The following BTK variants were observed in gnomAD, a reference collection of about 807,000 sequenced individuals.
BTK encodes the protein Bruton tyrosine kinase.
Under a neutral mutation model 57.4 loss-of-function variants are expected in BTK, and 5 were observed. The observed-to-expected ratio is 0.09, with a 90% CI of 0.05 to 0.18. The LOEUF (loss-of-function observed/expected upper bound fraction) is 0.18, where lower values mean the gene tolerates loss of function less well. BTK is among the 10% of genes least tolerant of loss of function. The pLI is 1.00. For missense variants in BTK, 194 were observed against 501.2 expected (o/e 0.39, Z 5.85); for synonymous variants, 154 against 174.3 (o/e 0.88, Z 0.92).
chrX:101,373,059 G>A (rs1927086779), intron 3 of BTK, among the ~76,000 whole-genome samples: 1 of 108,890 alleles, frequency 9.2e-6, no homozygotes, highest in Admixed American at 9.8e-5. Flanking sequence ...TCCAGCCTGG[G>A]CGACACAGCG....
Position 101,349,464 on chromosome X carries a change from G to T in BTK, c.*421C>A. 1 of 184,975 alleles carries T rather than the reference G, an allele frequency of 5.4e-6. No individual in the cohort carries two copies. Among genetic ancestry groups the T allele is most frequent in the Non-Finnish European group, 1.0e-5 (1 of 97,324 alleles). The allele number at this position is 184,975 out of a possible 1,213,427, so 15.2% of individuals were successfully genotyped here. A position where few individuals can be genotyped will look rare whatever the true frequency, so the allele number is the denominator to read the frequency against. ...ATACCAAAGACTTTCAAGCTTTCTA[G>T]TAATTTTATTTTATCAAAACACCCT... On this transcript the variant is annotated 3_prime_UTR_variant, in exon 19 of 19. Transcript: ENST00000308731.
At chrX:101,390,132 A>T (rs1385606266), upstream of BTK, among the ~76,000 whole-genome samples, 6 of 111,981 alleles carry the variant, frequency 5.4e-5, no homozygotes, top group Non-Finnish European at 1.1e-4. Flanking sequence ...GTAAAATGAG[A>T]ATAATAGTAC....
At chrX:101,367,785 G>GA (rs1555979708) in intron 5 of BTK, among the ~76,000 whole-genome samples, 2 of 111,468 alleles carry the variant, frequency 1.8e-5, no homozygotes, top group African/African-American at 6.5e-5. Flanking sequence ...TTCTCCTTCA[G>GA]CTAGTCTGCC....
chrX:101,381,563 A>G (rs1555981744), intron 1 of BTK, among the ~76,000 whole-genome samples: 1 of 111,801 alleles, frequency 8.9e-6, no homozygotes, highest in African/African-American at 3.3e-5. Context: ...AAGAACTGAA[A>G]TACTATCTAT....
chrX:101,374,401 G>A (rs1190585781), intron 3 of BTK, 135 bp downstream of exon 3: 1 of 556,521 alleles, frequency 1.8e-6, no homozygotes, highest in African/African-American at 2.2e-5. Context: ...CAATATGGTA[G>A]AGTGAAGAAT....
At chrX:101,370,159 G>T (rs782666724) in intron 4 of BTK, 80 bp from the exon 5 acceptor site, 7 of 776,998 alleles carry the variant, frequency 9.0e-6, no homozygotes, top group East Asian at 6.3e-5. Context: ...AATCTTAGGG[G>T]ACAATTTGTA....
At chrX:101,364,418 AAAAAAAGAAAAG>A (rs1334871579) in intron 5 of BTK, among the ~76,000 whole-genome samples, 1 of 105,505 alleles carries the variant, frequency 9.5e-6, no homozygotes, top group African/African-American at 3.5e-5. Context: ...TCAAAAAAAA[AAAAAAAGAAAAG>A]AAAAAAGAAA....
At chrX:101,378,393 C>A (rs1248642248) in intron 1 of BTK, among the ~76,000 whole-genome samples, 1 of 110,614 alleles carries the variant, frequency 9.0e-6, no homozygotes, top group East Asian at 2.8e-4. Context: ...CAGTAAAGGC[C>A]CCAATTTTTT....
At chrX:101,367,932 G>A (rs1392245655) in intron 5 of BTK, among the ~76,000 whole-genome samples, 1 of 111,536 alleles carries the variant, frequency 9.0e-6, no homozygotes, top group Non-Finnish European at 1.9e-5. Flanking sequence ...CGCTGTATGA[G>A]GCATTGTGGA....
intron 18 of BTK, 73 bp downstream of exon 18, chrX:101,353,121 G>T: frequency 1.0e-6 from 1 of 993,434 alleles, no homozygotes; most frequent in Non-Finnish European, 1.4e-6. Flanking sequence ...TCAGTCTTTG[G>T]TGGCTGAATG....
chrX:101,360,735 C>T lies in BTK; in HGVS notation c.609G>A (p.Pro203=), dbSNP rs781964043. The change falls in exon 8 of 19, where the codon CCG becomes CCA. Residue 203 remains proline, a synonymous_variant. Transcript: ENST00000308731. ...EEDQILKKPL[P]PEPAAAPVST... ...AGACTGGTGCTGCTGCTGGCTCAGGCGGTAGTGGCTTTTTCAAGATCTATG... is the reference window on the plus strand; with the variant it reads ...AGACTGGTGCTGCTGCTGGCTCAGGTGGTAGTGGCTTTTTCAAGATCTATG... 1.2e-5 allele frequency: 14 copies of T among 1,208,977 alleles called. No individual in the cohort carries two copies. The highest frequency in any genetic ancestry group is 5.3e-5 in the South Asian group (3 of 56,781).
Position 101,360,033 on chromosome X carries a change from T to G in BTK, c.839+55A>C, listed in dbSNP as rs187846688. On this transcript the variant is annotated intron_variant, in intron 9 of 18. Transcript: ENST00000308731. ...ATATAAATAAATAAATATATATATATATAGAGAGAGAGAGTTCCTCCTGGA... is the reference window on the plus strand; with the variant it reads ...ATATAAATAAATAAATATATATATAGATAGAGAGAGAGAGTTCCTCCTGGA... The G allele has an allele frequency of 1.3e-3, 675 of 502,196 alleles. 4 individuals are homozygous for G. The highest frequency in any genetic ancestry group is 4.0e-3 in the East Asian group (92 of 22,998). The allele number at this position is 502,196 out of a possible 1,213,427, so 41.4% of individuals were successfully genotyped here.
intron 4 of BTK, among the ~76,000 whole-genome samples, chrX:101,370,479 G>A (rs1206692270): frequency 9.0e-6 from 1 of 111,681 alleles, no homozygotes; most frequent in African/African-American, 3.3e-5. Context: ...TATAAATTAA[G>A]TCTTGATTAG....
intron 9 of BTK, 25 bp downstream of exon 9, chrX:101,360,063 T>C: frequency 9.1e-7 from 1 of 1,095,314 alleles, no homozygotes. Flanking sequence ...CCTGGAAGAT[T>C]GTGGACTGAC....
intron 15 of BTK, among the ~76,000 whole-genome samples, chrX:101,355,167 C>T (rs1926427504): frequency 8.9e-6 from 1 of 112,091 alleles, no homozygotes; most frequent in East Asian, 2.8e-4. Flanking sequence ...ATCCCAGCTA[C>T]TTGGGAGGCT....
chrX:101,350,889 G>A (rs1926265707), intron 18 of BTK, among the ~76,000 whole-genome samples: 1 of 112,350 alleles, frequency 8.9e-6, no homozygotes, highest in African/African-American at 3.2e-5. Flanking sequence ...TTGACTCAGT[G>A]ATTCTTAAAC....
At chrX:101,366,491 C>T (rs1555979439) in intron 5 of BTK, among the ~76,000 whole-genome samples, 1 of 110,127 alleles carries the variant, frequency 9.1e-6, no homozygotes, top group Non-Finnish European at 1.9e-5. Context: ...TGCATTTTAC[C>T]CAAGAGTAGG....
At chrX:101,390,554 T>C, upstream of BTK, 2 of 515,572 alleles carry the variant, frequency 3.9e-6, no homozygotes, top group East Asian at 3.6e-5. Context: ...GGCCATGTGA[T>C]AGATGAACTG....
At chrX:101,357,394 C>G in intron 13 of BTK, 115 bp downstream of exon 13, 1 of 686,171 alleles carries the variant, frequency 1.5e-6, no homozygotes, top group African/African-American at 2.1e-5. Context: ...CTTGAGCGTC[C>G]TTGAGGCAGC....
Sources: gnomAD v4.1 joint callset for allele counts (sites outside exome capture counted in the v4.1 genomes callset) on GRCh38, gnomAD v4.1.1 for gene constraint, MANE v1.5 for transcripts, NCBI Gene and HGNC (gene_info 2026-07-23, HGNC 2026-07-21) for gene names.